PRMT3: variants seen among roughly 807,000 people sequenced by gnomAD.
PRMT3 encodes the protein protein arginine N-methyltransferase 3.
A neutral mutation model predicts 71.9 loss-of-function variants in PRMT3; 62 were observed. The observed-to-expected ratio is 0.86, with a 90% CI of 0.70 to 1.07. The LOEUF (loss-of-function observed/expected upper bound fraction) is 1.07. PRMT3 is among the 50% of genes least tolerant of loss of function. PRMT3 has a pLI of 0.00. For synonymous variants in PRMT3, 213 were observed against 220.4 expected (o/e 0.97, Z 0.30); for missense variants, 663 against 643.0 (o/e 1.03, Z -0.34).
Position 20,508,397 on chromosome 11 carries a change from C to T in PRMT3, c.1580C>T (p.Thr527Ile). 6.2e-7 allele frequency: 1 copy of T among 1,603,508 alleles called. No homozygotes were observed. The highest frequency in any genetic ancestry group is 8.5e-7 in the Non-Finnish European group (1 of 1,170,494). ...CTCACGTTGAATAATTCAACTCAAA[C>T]TTATGGTCTCCAGTGAAACAGCCAT... ...VTLTLNNSTQTYGLQ is the reference protein window; with the variant it reads ...VTLTLNNSTQIYGLQ The change falls in exon 16 of 16, where the codon ACT becomes ATT. Residue 527 changes from threonine (T) to isoleucine (I), a missense_variant. Coordinates refer to ENST00000331079, the MANE Select transcript of PRMT3 (RefSeq NM_005788.4).
At position 20,392,930 on chromosome 11, in the gene PRMT3, A is replaced by T. The variant is rs199547531; in HGVS notation, c.331A>T (p.Asn111Tyr). The change falls in exon 5 of 16, where the codon AAC becomes TAC. Residue 111 changes from asparagine to tyrosine, a missense_variant. By Grantham distance (143) the Asn-to-Tyr change is moderately radical. Transcript: ENST00000331079. ...AGTTGAGTACATGAATTCCATATAC[A>T]ACCCAGTGCCTTGGGAGAAAGAAGA... ...PTVEYMNSIY[N>Y]PVPWEKEEYL... 2.7e-5 allele frequency: 44 copies of T among 1,605,654 alleles called. No homozygotes were observed. Among genetic ancestry groups the T allele is most frequent in the Non-Finnish European group, 3.4e-5 (40 of 1,172,496 alleles).
intron 11 of PRMT3, among the ~76,000 whole-genome samples, chr11:20,454,956 T>C (rs1850234761): frequency 6.6e-6 from 1 of 152,128 alleles, no homozygotes. Context: ...GTTTTAGAGT[T>C]ATATATTTAC....
chr11:20,475,906 C>A (rs540069164), intron 13 of PRMT3, among the ~76,000 whole-genome samples: 1 of 151,814 alleles, frequency 6.6e-6, no homozygotes, highest in African/African-American at 2.4e-5. Flanking sequence ...GAACTCCAGA[C>A]CTCAGGTGAT....
intron 13 of PRMT3, among the ~76,000 whole-genome samples, chr11:20,484,173 G>A (rs568641874): frequency 3.9e-5 from 6 of 152,146 alleles, no homozygotes; most frequent in Admixed American, 2.0e-4. Context: ...ATGCAGAGGC[G>A]AACAAAGAAA....
chr11:20,443,550 T>G (rs1197650711), intron 10 of PRMT3, among the ~76,000 whole-genome samples: 4 of 152,222 alleles, frequency 2.6e-5, no homozygotes, highest in African/African-American at 9.6e-5. Context: ...TGATAATGTT[T>G]TTAATAATTG....
chr11:20,464,314 A>G (rs1354681018), intron 12 of PRMT3, 146 bp from the exon 13 acceptor site: 3 of 1,108,124 alleles, frequency 2.7e-6, no homozygotes, highest in African/African-American at 1.6e-5. Flanking sequence ...TTAGCATGTG[A>G]GTAAAGTTTG....
intron 13 of PRMT3, among the ~76,000 whole-genome samples, chr11:20,479,324 G>A (rs1850872275): frequency 6.6e-6 from 1 of 152,160 alleles, no homozygotes; most frequent in Non-Finnish European, 1.5e-5. Context: ...TATTGGGAAT[G>A]TAGTAACAAG....
chr11:20,475,763 T>G (rs2133424170), intron 13 of PRMT3, among the ~76,000 whole-genome samples: 1 of 150,584 alleles, frequency 6.6e-6, no homozygotes, highest in Admixed American at 6.6e-5. Context: ...AAGGAAATTC[T>G]CCTGCCTCAG....
At chr11:20,432,046 T>C (rs935162564) in intron 10 of PRMT3, among the ~76,000 whole-genome samples, 5 of 152,036 alleles carry the variant, frequency 3.3e-5, no homozygotes, top group African/African-American at 1.2e-4. Context: ...ATAGGTCCCT[T>C]GTGTATAATT....
At chr11:20,504,707 T>TGAGTGAGAGAGAGA (rs1555026060) in intron 15 of PRMT3, among the ~76,000 whole-genome samples, 8 of 133,646 alleles carry the variant, frequency 6.0e-5, no homozygotes, top group African/African-American at 2.4e-4. Flanking sequence ...TGTGTGTGTG[T>TGAGTGAGAGAGAGA]GAGAGAGAGA....
intron 11 of PRMT3, among the ~76,000 whole-genome samples, chr11:20,461,016 T>C (rs938126920): frequency 1.4e-4 from 22 of 152,228 alleles, no homozygotes; most frequent in Non-Finnish European, 3.1e-4. Context: ...CAAAATCTAG[T>C]CATGTTGCTA....
At chr11:20,464,696 T>G in intron 13 of PRMT3, 150 bp downstream of exon 13, 1 of 1,251,784 alleles carries the variant, frequency 8.0e-7, no homozygotes, top group Non-Finnish European at 1.1e-6. Flanking sequence ...TGAACAGATC[T>G]GGTTAATAGG....
intron 6 of PRMT3, among the ~76,000 whole-genome samples, chr11:20,396,266 A>G (rs1848824203): frequency 6.6e-6 from 1 of 151,818 alleles, no homozygotes; most frequent in Admixed American, 6.6e-5. Flanking sequence ...TACTTTTTCT[A>G]TCCTAGTTTT....
intron 15 of PRMT3, among the ~76,000 whole-genome samples, chr11:20,496,921 G>C (rs1851347308): frequency 6.6e-6 from 1 of 152,180 alleles, no homozygotes; most frequent in South Asian, 2.1e-4. Context: ...CATTTTCTCT[G>C]TCTGCAGAAA....
Position 20,387,988 on chromosome 11 carries a change from G to A in PRMT3, c.29-31G>A. 1 of 1,613,148 alleles carries A rather than the reference G, an allele frequency of 6.2e-7. No homozygotes were observed. The highest frequency in any genetic ancestry group is 1.1e-5 in the South Asian group (1 of 91,056). ...GCCCCCGGGCCGCACCGGTGTCCGAGGCCGATCTGATTGTTGTGTGTGTGT... is the reference window on the plus strand; with the variant it reads ...GCCCCCGGGCCGCACCGGTGTCCGAAGCCGATCTGATTGTTGTGTGTGTGT... On this transcript the variant is annotated intron_variant, in intron 1 of 15. Coordinates refer to ENST00000331079, the MANE Select transcript of PRMT3 (RefSeq NM_005788.4). The surrounding 1 kb of genome is among the most constrained non-coding windows in gnomAD (Gnocchi z 4.3).
intron 10 of PRMT3, among the ~76,000 whole-genome samples, chr11:20,439,141 A>C (rs570669876): frequency 6.6e-6 from 1 of 152,316 alleles, no homozygotes; most frequent in African/African-American, 2.4e-5. Flanking sequence ...TGGGGGCAGG[A>C]CAGAGTGTCA....
intron 10 of PRMT3, among the ~76,000 whole-genome samples, chr11:20,430,680 A>G (rs776558336): frequency 5.3e-5 from 8 of 152,144 alleles, no homozygotes; most frequent in Non-Finnish European, 1.2e-4. Context: ...TCAAATTAAC[A>G]TGTCTGTCAT....
chr11:20,479,025 A>G (rs1193307178), intron 13 of PRMT3, among the ~76,000 whole-genome samples: 2 of 152,210 alleles, frequency 1.3e-5, no homozygotes, highest in Non-Finnish European at 2.9e-5. Context: ...TTGAACTTGC[A>G]TCATAGGTTT....
chr11:20,494,543 C>T (rs1851290271), intron 15 of PRMT3, among the ~76,000 whole-genome samples: 1 of 151,934 alleles, frequency 6.6e-6, no homozygotes, highest in African/African-American at 2.4e-5. Flanking sequence ...CATGTTGGTC[C>T]CCAACTCCTG....
Sources: allele counts gnomAD v4.1 joint callset (sites outside exome capture counted in the v4.1 genomes callset), GRCh38; gene constraint gnomAD v4.1.1; non-coding constraint Gnocchi (gnomAD v3.1); transcripts MANE v1.5; gene names NCBI Gene and HGNC (gene_info 2026-07-23, HGNC 2026-07-21).